The following RNF152 variants were observed in gnomAD, a reference collection of about 807,000 sequenced individuals.
RNF152 encodes the protein ring finger protein 152, also known as E3 ubiquitin-protein ligase RNF152.
Under a neutral mutation model 12.7 loss-of-function variants are expected in RNF152, and 11 were observed. That is an observed-to-expected ratio of 0.86 (90% CI 0.54 to 1.43). The LOEUF is 1.43. Among genes scored for constraint, RNF152 ranks in the 40% most tolerant of loss-of-function variants. The pLI is 0.00. For missense variants in RNF152, 255 were observed against 274.8 expected, an observed-to-expected ratio of 0.93 and a Z score of 0.51; for synonymous variants, 113 against 120.3, an observed-to-expected ratio of 0.94 and a Z score of 0.40.
chr18:61,818,308 G>A (rs116682221), intron 1 of RNF152, among the ~76,000 whole-genome samples: 11,377 of 151,926 alleles, frequency 0.075, 521 homozygotes, highest in African/African-American at 0.12. Flanking sequence ...CTCTAGTCCC[G>A]GCTACTCAGT....
intron 1 of RNF152, among the ~76,000 whole-genome samples, chr18:61,873,855 A>G (rs548856171): frequency 6.6e-6 from 1 of 152,340 alleles, no homozygotes; most frequent in South Asian, 2.1e-4. Flanking sequence ...GTCCAAGTCC[A>G]GGGTAGCAGA....
In RNF152 at chr18:61,833,814, G is replaced by A. The variant is rs116300105; in HGVS notation, c.-135-17216C>T. The stretch of plus-strand genomic sequence containing the variant: ...CTTTCTGTCCATAGATCTAGAATGG[G>A]GTGATACATCACCTAAGGTGACCTC... On this transcript the variant is annotated intron_variant, in intron 1 of 1. Coordinates refer to ENST00000312828, the MANE Select transcript of RNF152 (RefSeq NM_173557.3). Among the ~76,000 whole-genome samples, 973 of 152,164 alleles carry A rather than the reference G, an allele frequency of 6.4e-3. 7 individuals are homozygous for A. The highest frequency in any genetic ancestry group is 0.022 in the African/African-American group (910 of 41,502).
rs564041688 is a variant in RNF152, at chr18:61,889,484, G to C, written c.-136+3311C>G. 1.4e-4 allele frequency among the ~76,000 whole-genome samples: 22 copies of C among 152,284 alleles called. No homozygotes were observed. The South Asian group carries it at 3.7e-3, about 26-fold the overall frequency. ...CAAGCCACCAACTGCTGAATCCAGA[G>C]CACCTTGCAATGCCTATTCCATAGC... On this transcript the variant is annotated intron_variant, in intron 1 of 1. Transcript: ENST00000312828.
intron 1 of RNF152, among the ~76,000 whole-genome samples, chr18:61,875,916 T>G (rs1468888050): frequency 6.6e-6 from 1 of 152,142 alleles, no homozygotes; most frequent in Non-Finnish European, 1.5e-5. Flanking sequence ...ACTGCCAGAT[T>G]AAGCTTCTAA....
At chr18:61,824,773 G>C (rs1909581145) in intron 1 of RNF152, among the ~76,000 whole-genome samples, 1 of 152,230 alleles carries the variant, frequency 6.6e-6, no homozygotes, top group Non-Finnish European at 1.5e-5. Flanking sequence ...GGAAGCCAAG[G>C]TTAGCGCTGG....
At chr18:61,838,904 T>C (rs1234731160) in intron 1 of RNF152, among the ~76,000 whole-genome samples, 1 of 152,134 alleles carries the variant, frequency 6.6e-6, no homozygotes, top group Non-Finnish European at 1.5e-5. Flanking sequence ...TCATCCTCCT[T>C]GTCCCTGGAG....
intron 1 of RNF152, among the ~76,000 whole-genome samples, 171 bp from the exon 2 acceptor site, chr18:61,816,769 T>C (rs1002432156): frequency 3.3e-5 from 5 of 152,236 alleles, no homozygotes; most frequent in African/African-American, 1.2e-4. Context: ...GAAAGGCGAA[T>C]GAAAGTTGTC....
intron 1 of RNF152, among the ~76,000 whole-genome samples, chr18:61,844,106 G>GAAAGAA (rs898108834): frequency 6.5e-5 from 9 of 138,934 alleles, no homozygotes; most frequent in Admixed American, 1.5e-4. Flanking sequence ...AAGAAAGAAA[G>GAAAGAA]AAAGAAAGAA....
chr18:61,864,324 AGCAGAACTCTGTGAGAATGGCTG>A (rs1911633951), intron 1 of RNF152, among the ~76,000 whole-genome samples: 2 of 152,218 alleles, frequency 1.3e-5, no homozygotes, highest in South Asian at 4.1e-4. Flanking sequence ...GAGAACGGCT[AGCAGAACTCTGTGAGAATGGCTG>A]GCAGAACTCA....
intron 1 of RNF152, chr18:61,875,015 T>C (rs1385603564): frequency 6.6e-6 from 1 of 152,252 alleles, no homozygotes; most frequent in Admixed American, 6.5e-5. Context: ...GGCCATCCCC[T>C]GGGATATGCC....
chr18:61,872,716 A>G (rs1351075159), intron 1 of RNF152, among the ~76,000 whole-genome samples: 1 of 152,150 alleles, frequency 6.6e-6, no homozygotes, highest in Non-Finnish European at 1.5e-5. Flanking sequence ...TGATATAATG[A>G]CTATCATCAT....
At position 61,852,247 on chromosome 18, in the gene RNF152, A is replaced by C. The variant is rs1007047502; in HGVS notation, c.-135-35649T>G. Among the ~76,000 whole-genome samples the C allele has an allele frequency of 2.6e-5, 4 of 152,190 alleles. 1 individual carries two copies. Among genetic ancestry groups the C allele is most frequent in the Non-Finnish European group, 4.4e-5 (3 of 68,032 alleles). ...GTAAAAACAATATTCCTCAAGTCTC[A>C]AGGGACTTTCCCATTTGAGGAAAAG... On this transcript the variant is annotated intron_variant, in intron 1 of 1. Coordinates refer to ENST00000312828, the MANE Select transcript of RNF152 (RefSeq NM_173557.3).
intron 1 of RNF152, among the ~76,000 whole-genome samples, chr18:61,875,937 T>C (rs1240419819): frequency 6.6e-6 from 1 of 152,084 alleles, no homozygotes; most frequent in African/African-American, 2.4e-5. Context: ...AAACACAGCT[T>C]TATGACCACA....
intron 1 of RNF152, among the ~76,000 whole-genome samples, chr18:61,857,834 G>T (rs539275684): frequency 6.6e-6 from 1 of 152,224 alleles, no homozygotes; most frequent in East Asian, 1.9e-4. Context: ...TGTCATTGGC[G>T]TGTATAAACA....
chr18:61,873,498 G>C (rs947997358), intron 1 of RNF152, among the ~76,000 whole-genome samples: 1 of 152,006 alleles, frequency 6.6e-6, no homozygotes, highest in African/African-American at 2.4e-5. Flanking sequence ...ACCACGCCTG[G>C]CTAATTTTGT....
At chr18:61,866,845 C>G (rs554269038) in intron 1 of RNF152, among the ~76,000 whole-genome samples, 1 of 152,280 alleles carries the variant, frequency 6.6e-6, no homozygotes, top group African/African-American at 2.4e-5. Flanking sequence ...ATAGCTTTGG[C>G]ACCAAGGAAT....
chr18:61,849,236 C>A (rs1472057343), intron 1 of RNF152, among the ~76,000 whole-genome samples: 1 of 152,170 alleles, frequency 6.6e-6, no homozygotes, highest in Non-Finnish European at 1.5e-5. Flanking sequence ...CAAATGGTCT[C>A]CAGTACATAA....
chr18:61,860,904 T>G (rs1911446962), intron 1 of RNF152, among the ~76,000 whole-genome samples: 1 of 152,086 alleles, frequency 6.6e-6, no homozygotes, highest in Admixed American at 6.5e-5. Flanking sequence ...TAACAAAAAA[T>G]GTTTAAAAGG....
chr18:61,860,252 C>T (rs1045610118), intron 1 of RNF152, among the ~76,000 whole-genome samples: 2 of 152,172 alleles, frequency 1.3e-5, no homozygotes, highest in Non-Finnish European at 2.9e-5. Context: ...TTTGAAGCCA[C>T]CTACTTGGTT....
Sources: gnomAD v4.1 joint callset for allele counts (sites outside exome capture counted in the v4.1 genomes callset) on GRCh38, gnomAD v4.1.1 for gene constraint, MANE v1.5 for transcripts, NCBI Gene and HGNC (gene_info 2026-07-23, HGNC 2026-07-21) for gene names.